Variants in IDS observed in about 807,000 individuals in gnomAD.
IDS encodes the protein alpha-L-iduronate sulfate sulfatase.
IDS carries 1 observed loss-of-function variant against 33.5 expected under a neutral mutation model. The ratio of observed to expected loss-of-function variants is 0.03; its 90% CI spans 0.01 to 0.14. IDS has a LOEUF of 0.14. IDS is among the 10% of genes least tolerant of loss of function. IDS has a pLI of 1.00. For synonymous variants in IDS, 191 were observed against 184.4 expected (o/e 1.04, Z -0.29); for missense variants, 328 against 448.0 (o/e 0.73, Z 2.42).
At chrX:149,499,470 A>G (rs977401801) in intron 4 of IDS, 18 of 111,147 alleles carry the variant, frequency 1.6e-4, no homozygotes, top group Non-Finnish European at 2.5e-4. Flanking sequence ...ATAGTGTATG[A>G]CTCTATTTAT....
chrX:149,503,221 C>T (rs1569560522), intron 3 of IDS, 91 bp downstream of exon 3: 1 of 1,169,270 alleles, frequency 8.6e-7, no homozygotes, highest in Non-Finnish European at 1.1e-6. Flanking sequence ...CAGAAGAGGG[C>T]TCTGCAAAGA....
chrX:149,487,335 T>C (rs1557338209), intron 7 of IDS: 1 of 1,102,823 alleles, frequency 9.1e-7, no homozygotes, highest in East Asian at 3.0e-5. Context: ...AAAAAATAAT[T>C]AAATTCCCAA....
rs2089291573 is a variant in IDS at position 149,480,727 on chromosome X, G to C, written c.*2019C>G. 1 of 138,888 alleles carries C rather than the reference G, an allele frequency of 7.2e-6. No individual in the cohort carries two copies. The highest frequency in any genetic ancestry group is 1.4e-5 in the Non-Finnish European group (1 of 70,403). The allele number at this position is 138,888 out of a possible 1,213,427, so 11.4% of individuals were successfully genotyped here. ...ACTCCTAACCTCAAGTGATCCGCCT[G>C]CCTGGGCCTCCCAAAGTGCTGGGAT... is the stretch of plus-strand genomic sequence containing the variant. On this transcript the variant is annotated 3_prime_UTR_variant, in exon 9 of 9. Coordinates refer to ENST00000340855, the MANE Select transcript of IDS (RefSeq NM_000202.8).
Position 149,496,489 on chromosome X carries a change from T to G in IDS, c.736A>C (p.Asn246His). Residue 246 changes from asparagine (N) to histidine (H), a missense_variant, in exon 6 of 9, where the codon AAC (asparagine) becomes CAC (histidine). Coordinates refer to ENST00000340855, the MANE Select transcript of IDS (RefSeq NM_000202.8). ...KEFQKLYPLE[N>H]ITLAPDPEVP... The stretch of plus-strand genomic sequence containing the variant: ...TCGGGATCGGGGGCCAGGGTGATGT[T>G]CTCCAAGGGATACAACTTCTGAAAT... 2 of 1,211,049 alleles carry G rather than the reference T, an allele frequency of 1.7e-6. No individual in the cohort carries two copies. The highest frequency in any genetic ancestry group is 2.2e-6 in the Non-Finnish European group (2 of 895,288).
At chrX:149,491,412 T>A in intron 6 of IDS, 4 of 472,602 alleles carry the variant, frequency 8.5e-6, no homozygotes, top group Non-Finnish European at 1.2e-5. Flanking sequence ...AGGACAAAAA[T>A]TAATCTTCCA....
intron 8 of IDS, among the ~76,000 whole-genome samples, chrX:149,484,742 A>G (rs782151868): frequency 8.9e-6 from 1 of 112,702 alleles, no homozygotes; most frequent in African/African-American, 3.2e-5. Context: ...TCCTGTTAAA[A>G]TTGCAATTGG....
At chrX:149,496,658 G>A (rs2089439582) in intron 5 of IDS, 142 bp from the exon 6 acceptor site, 5 of 581,005 alleles carry the variant, frequency 8.6e-6, no homozygotes, top group African/African-American at 2.2e-5. Context: ...CCACGTGCTC[G>A]GCCCTGACCT....
Position 149,505,041 on chromosome X carries a change from T to A in IDS, c.97A>T (p.Thr33Ser), listed in dbSNP as rs782158763. The A allele has an allele frequency of 1.2e-4, 146 of 1,202,576 alleles. No individual in the cohort carries two copies. In the East Asian group the frequency reaches 4.3e-3, roughly 36 times the overall value. The change falls in exon 1 of 9, where the codon ACC (threonine) becomes TCC (serine). Residue 33 changes from threonine (T) to serine (S), a missense_variant. Physicochemically the swap from Thr to Ser is moderately conservative, Grantham distance 58 (BLOSUM62 1). Transcript: ENST00000340855. ...GGGAGGGCGTGGGCGGCACCTGTGG[T>A]CGAGTTGGCCTGCGTTTCGGATCCG... ...ALGSETQANS[T>S]TDALNVLLII...
intron 3 of IDS, 117 bp downstream of exon 3, chrX:149,503,195 G>A (rs1219688801): frequency 1.0e-5 from 12 of 1,170,167 alleles, no homozygotes; most frequent in African/African-American, 1.8e-5. Flanking sequence ...ACTGACTAGC[G>A]AGGGACTCGC....
chrX:149,504,800 C>A (rs2089510869), intron 1 of IDS, among the ~76,000 whole-genome samples: 2 of 99,226 alleles, frequency 2.0e-5, no homozygotes, highest in African/African-American at 3.8e-5. Context: ...AAGGGAAGCA[C>A]GGAGGGATAG....
chrX:149,501,554 C>T (rs975300963), intron 3 of IDS, among the ~76,000 whole-genome samples: 1 of 112,063 alleles, frequency 8.9e-6, no homozygotes, highest in African/African-American at 3.2e-5. Context: ...GACAGTATAA[C>T]AGCACTGGAA....
At chrX:149,497,950 A>T (rs1557339472) in intron 5 of IDS, among the ~76,000 whole-genome samples, 157 bp downstream of exon 5, 3 of 112,246 alleles carry the variant, frequency 2.7e-5, no homozygotes, top group African/African-American at 9.7e-5. Flanking sequence ...TGACCTCTAA[A>T]TCCCATCTTT....
intron 5 of IDS, among the ~76,000 whole-genome samples, chrX:149,497,312 C>CTATA (rs1425679173): frequency 3.6e-5 from 4 of 112,567 alleles, no homozygotes; most frequent in Non-Finnish European, 7.5e-5. Flanking sequence ...AAGGGCTAGA[C>CTATA]TTATAAGCAG....
In IDS at chrX:149,505,120, G is replaced by T. The variant is rs369954416; in HGVS notation, c.18C>A (p.Thr6=). The T allele has an allele frequency of 8.4e-7, 1 of 1,194,561 alleles. No homozygotes were observed. The highest frequency in any genetic ancestry group is 1.7e-5 in the African/African-American group (1 of 57,384). ...GACCCAGCCAGAGAAGGCCTCGGCC[G>T]GTCCGGGGTGGCGGCATTTCGGCTT... The part of the protein sequence containing the change: MPPPR[T]GRGLLWLGLV... The change falls in exon 1 of 9, where the codon ACC becomes ACA. Residue 6 remains threonine (T), a synonymous_variant. Transcript: ENST00000340855.
At chrX:149,487,300 C>T (rs1557338198) in intron 7 of IDS, 3 of 1,195,989 alleles carry the variant, frequency 2.5e-6, no homozygotes, top group Non-Finnish European at 3.4e-6. Flanking sequence ...AGGTATTTGT[C>T]CTCATGAGGA....
chrX:149,488,608 G>A (rs1216740550), intron 7 of IDS, among the ~76,000 whole-genome samples: 11 of 107,589 alleles, frequency 1.0e-4, no homozygotes, highest in Non-Finnish European at 3.9e-5. Flanking sequence ...GCACCAGGCA[G>A]AGGGGGCCCC....
At position 149,496,442 on chromosome X, in the gene IDS, AG is replaced by A; in HGVS notation, c.782del (p.Pro261LeufsTer19). ...TGTCCATCCAGGGGTTGTAGGCCAC[AG>A]GGGGTAGGCCATCAGGGACCTCGGG... is the stretch of plus-strand genomic sequence containing the variant. ...PDPEVPDGLP[P>X]VAYNPWMDIR... is the part of the protein sequence containing the mutation. On this transcript the variant is annotated frameshift_variant, in exon 6 of 9. Transcript: ENST00000340855. LOFTEE classifies it high-confidence loss of function. 8.3e-7 allele frequency: 1 copy of A among 1,208,974 alleles called. No homozygotes were observed. Among genetic ancestry groups the A allele is most frequent in the Non-Finnish European group, 1.1e-6 (1 of 892,962 alleles).
chrX:149,488,994 G>A (rs1406468922), intron 7 of IDS, among the ~76,000 whole-genome samples: 4 of 110,980 alleles, frequency 3.6e-5, no homozygotes, highest in African/African-American at 1.3e-4. Context: ...GCGAGCTCCT[G>A]AGACCAGTTG....
chrX:149,484,207 C>A (rs1343440638), intron 8 of IDS, among the ~76,000 whole-genome samples: 4 of 112,502 alleles, frequency 3.6e-5, no homozygotes, highest in African/African-American at 1.3e-4. Flanking sequence ...CTATGTTTAA[C>A]TCTGAGGATC....
Sources: allele counts gnomAD v4.1 joint callset (sites outside exome capture counted in the v4.1 genomes callset), GRCh38; gene constraint gnomAD v4.1.1; transcripts MANE v1.5; gene names NCBI Gene and HGNC (gene_info 2026-07-23, HGNC 2026-07-21).